The following TASP1 variants were observed in gnomAD, a reference collection of about 807,000 sequenced individuals.
TASP1 encodes taspase 1.
Under a neutral mutation model 56.6 loss-of-function variants are expected in TASP1, and 16 were observed. That is an observed-to-expected ratio of 0.28 (90% CI 0.19 to 0.43). TASP1 has a LOEUF of 0.43. TASP1 is among the 20% of genes least tolerant of loss of function. The pLI, the probability that TASP1 is intolerant of heterozygous loss-of-function variation, is 1.00. For missense variants in TASP1, 393 were observed against 511.6 expected (o/e 0.77, Z 2.24); for synonymous variants, 179 against 184.2 (o/e 0.97, Z 0.23).
chr20:13,149,555 G>A, the TASP1 span, among the ~76,000 whole-genome samples: 2 of 152,198 alleles, frequency 1.3e-5, no homozygotes, highest in Admixed American at 1.3e-4. Flanking sequence ...CTTGGCAAAC[G>A]CAAAAGACCT....
chr20:13,637,061 G>C (rs2049336847), intron 1 of TASP1, among the ~76,000 whole-genome samples: 1 of 152,144 alleles, frequency 6.6e-6, no homozygotes. Flanking sequence ...TTTAATATAA[G>C]ACAATTCAAT....
chr20:13,467,974 C>T (rs1342017262), intron 11 of TASP1, among the ~76,000 whole-genome samples: 7 of 63,858 alleles, frequency 1.1e-4, no homozygotes, highest in African/African-American at 2.6e-4. Flanking sequence ...CGAGGTTGCA[C>T]CATTGCATTC....
the TASP1 span, among the ~76,000 whole-genome samples, chr20:13,147,285 C>G: frequency 1.3e-5 from 2 of 152,168 alleles, no homozygotes; most frequent in African/African-American, 4.8e-5. Context: ...TTCCTCTTAG[C>G]AAACCACTCC....
the TASP1 span, among the ~76,000 whole-genome samples, chr20:13,141,145 A>G: frequency 6.6e-6 from 1 of 152,248 alleles, no homozygotes; most frequent in Non-Finnish European, 1.5e-5. Flanking sequence ...CTCTTAAGAG[A>G]GGAATTTTCT....
the TASP1 span, among the ~76,000 whole-genome samples, chr20:13,359,142 G>A: frequency 4.6e-5 from 6 of 129,886 alleles, 1 homozygote; most frequent in East Asian, 4.2e-4. Flanking sequence ...TTATCTCTGC[G>A]CCCCAGCCAC....
chr20:13,181,133 G>C, the TASP1 span, among the ~76,000 whole-genome samples: 5 of 152,322 alleles, frequency 3.3e-5, no homozygotes, highest in Non-Finnish European at 2.9e-5. Flanking sequence ...CACATAGGCA[G>C]GAGTGGATGT....
chr20:13,409,057 ACTTT>A (rs1044204144), intron 13 of TASP1, among the ~76,000 whole-genome samples: 4 of 151,782 alleles, frequency 2.6e-5, no homozygotes, highest in East Asian at 1.9e-4. Context: ...TTTATTTTAA[ACTTT>A]CTTTTCTACC....
chr20:13,322,576 C>T, the TASP1 span, among the ~76,000 whole-genome samples: 2 of 152,206 alleles, frequency 1.3e-5, no homozygotes, highest in Admixed American at 6.5e-5. Flanking sequence ...AAGAGGAAGA[C>T]GTGCTCTATT....
rs974363074 is a variant in TASP1 at position 13,390,193 on chromosome 20, G to A, written c.*167C>T. 9 of 600,276 alleles carry A rather than the reference G, an allele frequency of 1.5e-5. No individual in the cohort carries two copies. The highest frequency in any genetic ancestry group is 7.7e-5 in the South Asian group (4 of 51,942). 37.2% of individuals were successfully genotyped at this position (600,276 alleles called of 1,614,324 possible). ...AGTCCCGCTCACCCACCAAAGGCCC[G>A]CGTGTCACTAAGCGCTAACTACAGC... On this transcript the variant is annotated 3_prime_UTR_variant, in exon 14 of 14. Coordinates refer to ENST00000337743, the MANE Select transcript of TASP1 (RefSeq NM_017714.3).
intron 10 of TASP1, among the ~76,000 whole-genome samples, chr20:13,524,968 G>C (rs1354933976): frequency 6.6e-6 from 1 of 152,206 alleles, no homozygotes; most frequent in Non-Finnish European, 1.5e-5. Flanking sequence ...AAATGGCAAT[G>C]AGGCATGACT....
the TASP1 span, among the ~76,000 whole-genome samples, chr20:13,381,687 G>A: frequency 6.6e-6 from 1 of 152,146 alleles, no homozygotes; most frequent in Admixed American, 6.5e-5. Context: ...TCCACACTCT[G>A]TTTTAGATAA....
At chr20:13,366,982 T>C in the TASP1 span, among the ~76,000 whole-genome samples, 1 of 152,328 alleles carries the variant, frequency 6.6e-6, no homozygotes, top group South Asian at 2.1e-4. Flanking sequence ...GCTACCACCA[T>C]TCAGCTCTTG....
At chr20:13,501,282 G>T (rs539154189) in intron 10 of TASP1, among the ~76,000 whole-genome samples, 7 of 152,040 alleles carry the variant, frequency 4.6e-5, no homozygotes, top group African/African-American at 1.7e-4. Context: ...TCTTTAAAAA[G>T]AAAGCATCAG....
At chr20:13,154,176 C>T in the TASP1 span, 2 of 1,610,064 alleles carry the variant, frequency 1.2e-6, no homozygotes, top group East Asian at 2.2e-5. Flanking sequence ...CACCTAAACC[C>T]CAAGGTGACC....
chr20:13,630,061 C>G lies in TASP1; in HGVS notation c.18G>C (p.Gly6=). Residue 6 remains glycine (G), a synonymous_variant, in exon 2 of 14, where the codon GGG becomes GGC. Transcript: ENST00000337743. The stretch of plus-strand genomic sequence containing the variant: ...AAGGCAGCCCTTCTCCAGAACTCAT[C>G]CCCTTCTCCATGGTCATTCTCCAAG... MTMEK[G]MSSGEGLPSR... The G allele has an allele frequency of 1.9e-6, 3 of 1,613,232 alleles. No individual in the cohort carries two copies. The highest frequency in any genetic ancestry group is 2.5e-6 in the Non-Finnish European group (3 of 1,179,784).
chr20:13,474,666 G>C (rs2044654260), intron 11 of TASP1, among the ~76,000 whole-genome samples: 1 of 152,072 alleles, frequency 6.6e-6, no homozygotes. Flanking sequence ...TGGGACTGCT[G>C]GATCAAATGG....
the TASP1 span, among the ~76,000 whole-genome samples, chr20:13,126,282 T>C: frequency 6.6e-6 from 1 of 152,222 alleles, no homozygotes; most frequent in Non-Finnish European, 1.5e-5. Context: ...TGCTCACACA[T>C]AGTAGGTACT....
At chr20:13,561,138 A>G (rs547634876) in intron 7 of TASP1, among the ~76,000 whole-genome samples, 1 of 152,340 alleles carries the variant, frequency 6.6e-6, no homozygotes, top group African/African-American at 2.4e-5. Flanking sequence ...GGGCAAATTA[A>G]AATACTCTCA....
downstream of TASP1, among the ~76,000 whole-genome samples, chr20:13,385,152 G>A (rs1157643550): frequency 2.6e-5 from 4 of 152,206 alleles, no homozygotes; most frequent in African/African-American, 4.8e-5. Flanking sequence ...CATGCACGTC[G>A]TGAAAATGTG....
Sources: gnomAD v4.1 joint callset for allele counts (sites outside exome capture counted in the v4.1 genomes callset) on GRCh38, gnomAD v4.1.1 for gene constraint, MANE v1.5 for transcripts, NCBI Gene and HGNC (gene_info 2026-07-23, HGNC 2026-07-21) for gene names.